Variants in ACSS3 observed in about 807,000 individuals in gnomAD.
ACSS3 encodes the protein acyl-CoA synthetase short-chain family member 3, mitochondrial.
Under a neutral mutation model 84.2 loss-of-function variants are expected in ACSS3, and 64 were observed. That is an observed-to-expected ratio of 0.76 (90% CI 0.62 to 0.94). The LOEUF is 0.94. Ranked by LOEUF, ACSS3 falls within the 40% of genes least tolerant of loss-of-function variation. ACSS3 has a pLI of 0.00. For missense variants in ACSS3, 815 were observed against 867.6 expected, an observed-to-expected ratio of 0.94 and a Z score of 0.76; for synonymous variants, 317 against 310.1, an observed-to-expected ratio of 1.02 and a Z score of -0.23.
At chr12:81,083,828 G>C (rs1168599827) in intron 1 of ACSS3, among the ~76,000 whole-genome samples, 4 of 152,100 alleles carry the variant, frequency 2.6e-5, no homozygotes, top group African/African-American at 9.7e-5. Flanking sequence ...AAATTAGCTG[G>C]ATGTGGTGGC....
chr12:81,192,316 G>A (rs992370574), intron 8 of ACSS3, among the ~76,000 whole-genome samples: 2 of 152,178 alleles, frequency 1.3e-5, no homozygotes, highest in African/African-American at 4.8e-5. Context: ...GGGAGGCAAG[G>A]TTATAGTAAG....
At chr12:81,155,093 C>A (rs10778793) in intron 7 of ACSS3, among the ~76,000 whole-genome samples, 94,092 of 152,014 alleles carry the variant, frequency 0.62, 30,004 homozygotes, top group Non-Finnish European at 0.7. Flanking sequence ...GGTATCATCT[C>A]GAAGAGGATA....
At chr12:81,118,232 C>T (rs951677296) in intron 2 of ACSS3, among the ~76,000 whole-genome samples, 6 of 152,066 alleles carry the variant, frequency 3.9e-5, no homozygotes, top group Non-Finnish European at 8.8e-5. Flanking sequence ...TAAGGACGTG[C>T]AGTAAAATAG....
chr12:81,149,172 C>T (rs1886493547), intron 5 of ACSS3, among the ~76,000 whole-genome samples: 1 of 152,060 alleles, frequency 6.6e-6, no homozygotes, highest in Admixed American at 6.6e-5. Flanking sequence ...TAGGGGTAAG[C>T]ACTGGTATTG....
At chr12:81,235,404 A>C (rs1018043312) in intron 13 of ACSS3, among the ~76,000 whole-genome samples, 4 of 151,224 alleles carry the variant, frequency 2.6e-5, no homozygotes, top group African/African-American at 9.7e-5. Flanking sequence ...TGTATCTTAG[A>C]GTTGAATATT....
chr12:81,136,120 T>G (rs1193296056), intron 3 of ACSS3, among the ~76,000 whole-genome samples: 1 of 152,170 alleles, frequency 6.6e-6, no homozygotes, highest in Admixed American at 6.5e-5. Flanking sequence ...TATGTTTGAA[T>G]GGGGTACAAA....
At chr12:81,078,571 G>A (rs960749285) in intron 1 of ACSS3, 140 bp downstream of exon 1, 40 of 937,446 alleles carry the variant, frequency 4.3e-5, no homozygotes, top group Non-Finnish European at 6.2e-5. Flanking sequence ...CTCAATTCGT[G>A]TTTCATTTCA....
At chr12:81,107,210 A>C (rs984238517) in intron 1 of ACSS3, among the ~76,000 whole-genome samples, 1 of 151,952 alleles carries the variant, frequency 6.6e-6, no homozygotes, top group African/African-American at 2.4e-5. Context: ...GGAACATGAG[A>C]TATCACAGCC....
rs763556160 is a variant in ACSS3 at position 81,259,682 on chromosome 12, A to G, written c.*4760A>G. The G allele has an allele frequency of 6.5e-7, 1 of 1,532,924 alleles. No homozygotes were observed. The highest frequency in any genetic ancestry group is 8.7e-7 in the Non-Finnish European group (1 of 1,144,328). 95.0% of individuals were successfully genotyped at this position (1,532,924 alleles called of 1,614,324 possible). A position where few individuals can be genotyped will look rare whatever the true frequency, so the allele number is the denominator to read the frequency against. ...CCATCTAAAATATACAATGGATAGC[A>G]TTAGTTCACTGAAAAGTCCCAGACT... On this transcript the variant is annotated 3_prime_UTR_variant, in exon 16 of 16. Coordinates refer to ENST00000548058, the MANE Select transcript of ACSS3 (RefSeq NM_024560.4).
chr12:81,192,600 A>G (rs1289786647), intron 8 of ACSS3, among the ~76,000 whole-genome samples: 1 of 152,172 alleles, frequency 6.6e-6, no homozygotes, highest in Non-Finnish European at 1.5e-5. Flanking sequence ...ATTATTAGCT[A>G]TACCTCTTCA....
chr12:81,148,835 G>A (rs1044427946), intron 5 of ACSS3, among the ~76,000 whole-genome samples: 3 of 148,570 alleles, frequency 2.0e-5, no homozygotes, highest in Non-Finnish European at 4.4e-5. Context: ...GCCGAGGCGG[G>A]CAGATCACGA....
At chr12:81,240,170 T>TA (rs1381910012) in intron 13 of ACSS3, among the ~76,000 whole-genome samples, 12 of 151,998 alleles carry the variant, frequency 7.9e-5, no homozygotes, top group African/African-American at 2.7e-4. Context: ...ACAGGAGTGT[T>TA]AAAGTCTTGA....
At chr12:81,126,866 A>G (rs879630413) in intron 2 of ACSS3, among the ~76,000 whole-genome samples, 2 of 151,968 alleles carry the variant, frequency 1.3e-5, no homozygotes, top group East Asian at 3.9e-4. Flanking sequence ...AATGGTATTT[A>G]CTCTTTCATT....
chr12:81,258,294 G>A lies in ACSS3; in HGVS notation c.*3372G>A, dbSNP rs187003969. 7.9e-5 allele frequency: 12 copies of A among 151,984 alleles called. No individual in the cohort carries two copies. Among genetic ancestry groups the A allele is most frequent in the African/African-American group, 2.7e-4 (11 of 41,410 alleles). 9.4% of individuals were successfully genotyped at this position (151,984 alleles called of 1,614,324 possible). ...AATTATTATTTTTTTTATTGACAAT[G>A]GAAAGGGTTTCTGTTATCATTACCT... On this transcript the variant is annotated 3_prime_UTR_variant, in exon 16 of 16. Coordinates refer to ENST00000548058, the MANE Select transcript of ACSS3 (RefSeq NM_024560.4).
chr12:81,183,403 G>A (rs1410648382), intron 8 of ACSS3, among the ~76,000 whole-genome samples: 2 of 152,066 alleles, frequency 1.3e-5, no homozygotes. Flanking sequence ...AAGGAAAAAG[G>A]AACACAGAAG....
intron 13 of ACSS3, among the ~76,000 whole-genome samples, chr12:81,236,847 T>C (rs2033643847): frequency 6.6e-6 from 1 of 151,466 alleles, no homozygotes; most frequent in Non-Finnish European, 1.5e-5. Context: ...TGGTTTTTAA[T>C]ATTCATCTTT....
chr12:81,252,937 T>C (rs2034196731), intron 13 of ACSS3, among the ~76,000 whole-genome samples: 1 of 152,228 alleles, frequency 6.6e-6, no homozygotes, highest in Admixed American at 6.5e-5. Flanking sequence ...CAAATCGCCA[T>C]GAGGCTGCCT....
At chr12:81,227,102 C>A (rs1003774417) in intron 11 of ACSS3, among the ~76,000 whole-genome samples, 2 of 151,720 alleles carry the variant, frequency 1.3e-5, no homozygotes, top group Non-Finnish European at 2.9e-5. Flanking sequence ...GACAGGCCAG[C>A]AGGCTGAAGA....
At chr12:81,186,223 G>C (rs2031245839) in intron 8 of ACSS3, among the ~76,000 whole-genome samples, 1 of 151,760 alleles carries the variant, frequency 6.6e-6, no homozygotes, top group Non-Finnish European at 1.5e-5. Flanking sequence ...ATGGATAAAA[G>C]ACCTAAGTAT....
Sources: gnomAD v4.1 joint callset for allele counts (sites outside exome capture counted in the v4.1 genomes callset) on GRCh38, gnomAD v4.1.1 for gene constraint, MANE v1.5 for transcripts, NCBI Gene and HGNC (gene_info 2026-07-23, HGNC 2026-07-21) for gene names.